EPB41L4A: variants seen among roughly 807,000 people sequenced by gnomAD.
The protein encoded by EPB41L4A is band 4.1-like protein 4A.
A neutral mutation model predicts 108.6 loss-of-function variants in EPB41L4A; 100 were observed. The observed-to-expected ratio is 0.92, with a 90% CI of 0.78 to 1.09. The LOEUF is 1.09. Ranked by LOEUF, EPB41L4A falls within the 50% of genes least tolerant of loss-of-function variation. The probability of loss-of-function intolerance (pLI) is 0.00; values close to 1 mark genes in which losing one functional copy is unlikely to be tolerated. For missense variants in EPB41L4A, 1,030 were observed against 842.7 expected, an observed-to-expected ratio of 1.22 and a Z score of -2.75; for synonymous variants, 319 against 289.0, an observed-to-expected ratio of 1.10 and a Z score of -1.05.
intron 1 of EPB41L4A, among the ~76,000 whole-genome samples, chr5:112,314,524 A>G (rs907584587): frequency 1.5e-5 from 2 of 131,980 alleles, no homozygotes; most frequent in African/African-American, 5.3e-5. Context: ...AAAAAAAAAA[A>G]AAAAAAAAAA....
chr5:112,389,861 C>T (rs1760815464), intron 1 of EPB41L4A, among the ~76,000 whole-genome samples: 1 of 152,106 alleles, frequency 6.6e-6, no homozygotes, highest in Non-Finnish European at 1.5e-5. Flanking sequence ...GGAGATGTTA[C>T]CACCACCTCT....
intron 1 of EPB41L4A, among the ~76,000 whole-genome samples, chr5:112,380,828 C>CAA (rs1554107130): frequency 7.1e-6 from 1 of 141,362 alleles, no homozygotes; most frequent in East Asian, 2.0e-4. Context: ...CACACACACA[C>CAA]AATTCAGCCA....
At chr5:112,239,325 CAATT>C (rs916921563) in intron 11 of EPB41L4A, among the ~76,000 whole-genome samples, 2 of 152,140 alleles carry the variant, frequency 1.3e-5, no homozygotes, top group African/African-American at 2.4e-5. Context: ...CTTAAAAACA[CAATT>C]AGTTACTATT....
chr5:112,304,435 C>T (rs996722830), intron 2 of EPB41L4A, among the ~76,000 whole-genome samples: 21 of 152,292 alleles, frequency 1.4e-4, no homozygotes, highest in East Asian at 5.8e-4. Context: ...GGATCAAGAA[C>T]GAACCTGACT....
intron 17 of EPB41L4A, among the ~76,000 whole-genome samples, chr5:112,188,999 A>T (rs1356754721): frequency 6.6e-6 from 1 of 152,232 alleles, no homozygotes; most frequent in Admixed American, 6.5e-5. Flanking sequence ...TAGAAAAACA[A>T]TATAAAAGAC....
At chr5:112,204,278 C>T (rs908311943) in intron 15 of EPB41L4A, 97 bp downstream of exon 15, 1 of 714,272 alleles carries the variant, frequency 1.4e-6, no homozygotes, top group East Asian at 2.5e-5. Flanking sequence ...TGGAGAGAAA[C>T]AGTAATGTCG....
chr5:112,254,436 C>A (rs1580538134), intron 9 of EPB41L4A, among the ~76,000 whole-genome samples: 2 of 152,284 alleles, frequency 1.3e-5, no homozygotes, highest in African/African-American at 2.4e-5. Flanking sequence ...GCATGTTCCA[C>A]CCTGCAGCCA....
intron 5 of EPB41L4A, 22 bp downstream of exon 5, chr5:112,266,211 A>C: frequency 1.3e-6 from 2 of 1,543,640 alleles, no homozygotes; most frequent in Non-Finnish European, 1.8e-6. Flanking sequence ...TTCTGAGGCA[A>C]ATATGCTTAA....
Position 112,264,920 on chromosome 5 carries a change from A to G in EPB41L4A, c.530T>C (p.Ile177Thr), listed in dbSNP as rs549443372. 3.7e-6 allele frequency: 6 copies of G among 1,612,428 alleles called. No homozygotes were observed. In the African/African-American group the frequency reaches 8.0e-5, roughly 21 times the overall value. The change falls in exon 6 of 23, where the codon ATA becomes ACA. Residue 177 changes from isoleucine to threonine, a missense_variant. By Grantham distance (89) the Ile-to-Thr change is moderately conservative (BLOSUM62 -1). Transcript: ENST00000261486. ...CATTAGAGTTTTATGAATCCTTTCT[A>G]TGGCTTCTTCAAGTTCTTCCTTCTG... is the stretch of plus-strand genomic sequence containing the variant. ...PDQKEELEEA[I>T]ERIHKTLMGQ...
chr5:112,391,507 G>A (rs769295123), intron 1 of EPB41L4A, among the ~76,000 whole-genome samples: 5 of 151,996 alleles, frequency 3.3e-5, no homozygotes, highest in Non-Finnish European at 7.4e-5. Flanking sequence ...TTAATGAAAT[G>A]AAACAAGAAC....
At chr5:112,226,503 G>A (rs1748464218) in intron 12 of EPB41L4A, among the ~76,000 whole-genome samples, 1 of 152,158 alleles carries the variant, frequency 6.6e-6, no homozygotes, top group Non-Finnish European at 1.5e-5. Context: ...TCAAATAGGG[G>A]AAACCACCTT....
intron 1 of EPB41L4A, among the ~76,000 whole-genome samples, chr5:112,354,827 C>T (rs1260014041): frequency 6.6e-6 from 1 of 152,120 alleles, no homozygotes; most frequent in Non-Finnish European, 1.5e-5. Flanking sequence ...AAACCATATG[C>T]CAAGACTCTA....
At chr5:112,186,825 A>G (rs141991319) in intron 17 of EPB41L4A, among the ~76,000 whole-genome samples, 4 of 152,342 alleles carry the variant, frequency 2.6e-5, no homozygotes, top group Admixed American at 6.5e-5. Flanking sequence ...CACAGGTGCT[A>G]CTTGGAAAGA....
chr5:112,321,246 G>A (rs1250792964), intron 1 of EPB41L4A, among the ~76,000 whole-genome samples: 1 of 152,174 alleles, frequency 6.6e-6, no homozygotes, highest in East Asian at 1.9e-4. Flanking sequence ...TGGGGTTGGG[G>A]TAGAAGTGAA....
At chr5:112,342,830 G>A (rs1237586402) in intron 1 of EPB41L4A, among the ~76,000 whole-genome samples, 1 of 152,094 alleles carries the variant, frequency 6.6e-6, no homozygotes. Flanking sequence ...GTAGTAAATT[G>A]CTACACTTCT....
At chr5:112,238,842 A>G (rs1283077417) in intron 11 of EPB41L4A, among the ~76,000 whole-genome samples, 1 of 152,232 alleles carries the variant, frequency 6.6e-6, no homozygotes, top group Non-Finnish European at 1.5e-5. Context: ...ATTGAACAGA[A>G]TGAATTGAAA....
chr5:112,246,331 A>G (rs1411650455), intron 9 of EPB41L4A, among the ~76,000 whole-genome samples: 1 of 152,196 alleles, frequency 6.6e-6, no homozygotes, highest in Non-Finnish European at 1.5e-5. Context: ...GTTTGGATAC[A>G]TAAATACTTA....
intron 13 of EPB41L4A, chr5:112,143,924 A>C: frequency 2.2e-6 from 1 of 450,518 alleles, no homozygotes. Context: ...CAGTTGCCAA[A>C]GACAATACTA....
intron 1 of EPB41L4A, among the ~76,000 whole-genome samples, chr5:112,317,569 C>T (rs1387511883): frequency 6.6e-6 from 1 of 152,156 alleles, no homozygotes; most frequent in Non-Finnish European, 1.5e-5. Flanking sequence ...ATCTATATTC[C>T]TAATGTTATT....
Sources: allele counts gnomAD v4.1 joint callset (sites outside exome capture counted in the v4.1 genomes callset), GRCh38; gene constraint gnomAD v4.1.1; transcripts MANE v1.5; gene names NCBI Gene and HGNC (gene_info 2026-07-23, HGNC 2026-07-21).